ILRUN: variants seen among roughly 807,000 people sequenced by gnomAD.
ILRUN encodes the protein protein ILRUN.
In ILRUN, 3 loss-of-function variants were observed where a neutral mutation model predicts 33.8. That is an observed-to-expected ratio of 0.09 (90% CI 0.04 to 0.23). The LOEUF (loss-of-function observed/expected upper bound fraction) is 0.23. Ranked by LOEUF, ILRUN falls within the 10% of genes least tolerant of loss-of-function variation. The pLI, the probability that ILRUN is intolerant of heterozygous loss-of-function variation, is 1.00. For missense variants in ILRUN, 210 were observed against 375.1 expected (o/e 0.56, Z 3.64); for synonymous variants, 124 against 138.9 (o/e 0.89, Z 0.75).
intron 1 of ILRUN, among the ~76,000 whole-genome samples, chr6:34,678,746 T>C (rs1367605252): frequency 6.8e-6 from 1 of 146,698 alleles, no homozygotes; most frequent in African/African-American, 2.6e-5. Flanking sequence ...TCCCAGCTAC[T>C]TGGGAGGCTG....
rs1038295553 is a variant in ILRUN, at chr6:34,655,454, T to C, written c.159-675A>G. Among the ~76,000 whole-genome samples, 75 of 152,200 alleles carry C rather than the reference T, an allele frequency of 4.9e-4. 2 individuals are homozygous for C. The highest frequency in any genetic ancestry group is 1.6e-4 in the Non-Finnish European group (11 of 68,038). On this transcript the variant is annotated intron_variant, in intron 1 of 4. Coordinates refer to ENST00000374023, the MANE Select transcript of ILRUN (RefSeq NM_024294.4). ...ATAATATACAATCTTATTTTCCCCC[T>C]TTTTTATACAAATGGTAGCATAATA... is the stretch of plus-strand genomic sequence containing the variant.
chr6:34,608,223 A>G (rs1484840705), intron 3 of ILRUN, among the ~76,000 whole-genome samples: 2 of 152,012 alleles, frequency 1.3e-5, no homozygotes, highest in African/African-American at 4.8e-5. Flanking sequence ...GTGAAACCCC[A>G]TCTCTACTGA....
intron 3 of ILRUN, among the ~76,000 whole-genome samples, chr6:34,644,804 G>T (rs1762535675): frequency 6.6e-6 from 1 of 152,052 alleles, no homozygotes. Flanking sequence ...ACTCAGGCAG[G>T]GCCTTGAGGA....
intron 1 of ILRUN, among the ~76,000 whole-genome samples, chr6:34,668,320 T>TC (rs1763045817): frequency 6.6e-6 from 1 of 152,216 alleles, no homozygotes; most frequent in African/African-American, 2.4e-5. Flanking sequence ...AAGTGAAATG[T>TC]TCACAGCAGC....
chr6:34,647,459 C>T (rs371156320), intron 2 of ILRUN, among the ~76,000 whole-genome samples: 29 of 152,062 alleles, frequency 1.9e-4, no homozygotes, highest in African/African-American at 7.0e-4. Context: ...GAACTGTGGT[C>T]GCAGGAACAA....
chr6:34,652,584 T>C (rs916048547), intron 2 of ILRUN, among the ~76,000 whole-genome samples: 4 of 152,162 alleles, frequency 2.6e-5, no homozygotes, highest in East Asian at 1.9e-4. Flanking sequence ...AAGAACTGAA[T>C]TGTAAAGAAC....
Position 34,696,686 on chromosome 6 carries a change from C to T in ILRUN, c.-83G>A, listed in dbSNP as rs1466943653. The T allele has an allele frequency of 4.7e-6, 7 of 1,477,396 alleles. No individual in the cohort carries two copies. The Admixed American group carries it at 5.9e-5, about 12-fold the overall frequency. 91.5% of individuals were successfully genotyped at this position (1,477,396 alleles called of 1,614,324 possible). A position where few individuals can be genotyped will look rare whatever the true frequency, so the allele number is the denominator to read the frequency against. On this transcript the variant is annotated 5_prime_UTR_variant, in exon 1 of 5. Coordinates refer to ENST00000374023, the MANE Select transcript of ILRUN (RefSeq NM_024294.4). ...CCGGGCCCGGGGACCTGGAGGGGGGCCGCTGCTAGCTAGCTTCGCGACCCC... is the reference window on the plus strand; with the variant it reads ...CCGGGCCCGGGGACCTGGAGGGGGGTCGCTGCTAGCTAGCTTCGCGACCCC...
At chr6:34,690,335 C>T (rs561568251) in intron 1 of ILRUN, among the ~76,000 whole-genome samples, 3 of 152,190 alleles carry the variant, frequency 2.0e-5, no homozygotes, top group East Asian at 1.9e-4. Context: ...GTGGCCCACA[C>T]GTGTAATCCC....
intron 3 of ILRUN, among the ~76,000 whole-genome samples, chr6:34,641,893 G>T (rs1411780108): frequency 6.6e-6 from 1 of 152,034 alleles, no homozygotes; most frequent in Admixed American, 6.6e-5. Context: ...TGGAAATTGA[G>T]TATTATGAAA....
At chr6:34,620,770 A>G (rs1761997130) in intron 3 of ILRUN, among the ~76,000 whole-genome samples, 1 of 152,256 alleles carries the variant, frequency 6.6e-6, no homozygotes, top group South Asian at 2.1e-4. Flanking sequence ...TTGAGGCTGC[A>G]GTAAGCTACG....
intron 1 of ILRUN, among the ~76,000 whole-genome samples, chr6:34,658,468 CA>C (rs1188737656): frequency 5.4e-5 from 8 of 147,018 alleles, no homozygotes; most frequent in Non-Finnish European, 1.2e-4. Context: ...GATTTTACCA[CA>C]ATGAAATAAT....
chr6:34,596,029 C>T (rs1158320384), intron 4 of ILRUN: 1 of 743,142 alleles, frequency 1.3e-6, no homozygotes, highest in Non-Finnish European at 1.6e-6. Flanking sequence ...GTGGTGAGGC[C>T]CTGCTCACAG....
intron 1 of ILRUN, among the ~76,000 whole-genome samples, chr6:34,667,306 G>A (rs1389454557): frequency 1.3e-5 from 2 of 152,036 alleles, no homozygotes; most frequent in Non-Finnish European, 2.9e-5. Context: ...ATACACTTAG[G>A]CTCACAATGT....
chr6:34,683,453 CATATATAT>C (rs1451602188), intron 1 of ILRUN, among the ~76,000 whole-genome samples: 23 of 96,596 alleles, frequency 2.4e-4, no homozygotes, highest in South Asian at 1.4e-3. Context: ...TATATATATA[CATATATAT>C]ACATATATAT....
intron 1 of ILRUN, among the ~76,000 whole-genome samples, chr6:34,671,163 T>G (rs1763110265): frequency 6.6e-6 from 1 of 152,090 alleles, no homozygotes; most frequent in Non-Finnish European, 1.5e-5. Flanking sequence ...TCCCACCACT[T>G]TGGGAGGCTG....
At chr6:34,605,637 T>C (rs1468408981) in intron 4 of ILRUN, among the ~76,000 whole-genome samples, 1 of 152,032 alleles carries the variant, frequency 6.6e-6, no homozygotes, top group Non-Finnish European at 1.5e-5. Context: ...TTGGAACAAA[T>C]AAAAAGTAAA....
At chr6:34,601,708 C>G (rs79316477) in intron 4 of ILRUN, among the ~76,000 whole-genome samples, 3,698 of 111,076 alleles carry the variant, frequency 0.033, 157 homozygotes, top group African/African-American at 0.15. Context: ...AGTACCCGCC[C>G]CCCCAACTAC....
In ILRUN at chr6:34,590,476, T is replaced by C; in HGVS notation, c.*89A>G. ...GTCAGAGCCAGGGGTCTGTGCGATG[T>C]GGTCTGCAATCCAGAGGAACCCCTT... is the stretch of plus-strand genomic sequence containing the variant. On this transcript the variant is annotated 3_prime_UTR_variant, in exon 5 of 5. Coordinates refer to ENST00000374023, the MANE Select transcript of ILRUN (RefSeq NM_024294.4). The C allele has an allele frequency of 6.3e-7, 1 of 1,596,926 alleles. No homozygotes were observed. The highest frequency in any genetic ancestry group is 8.6e-7 in the Non-Finnish European group (1 of 1,168,912).
At chr6:34,605,702 C>T (rs1210240098) in intron 4 of ILRUN, among the ~76,000 whole-genome samples, 1 of 152,264 alleles carries the variant, frequency 6.6e-6, no homozygotes, top group East Asian at 1.9e-4. Context: ...TAGTCACTTG[C>T]CCCTCAAATA....
Sources: allele counts gnomAD v4.1 joint callset (sites outside exome capture counted in the v4.1 genomes callset), GRCh38; gene constraint gnomAD v4.1.1; transcripts MANE v1.5; gene names NCBI Gene and HGNC (gene_info 2026-07-23, HGNC 2026-07-21).